Variants in PDE3A observed in about 807,000 individuals in gnomAD.
The protein encoded by PDE3A is phosphodiesterase 3A.
PDE3A carries 43 observed loss-of-function variants against 98.3 expected under a neutral mutation model. That is an observed-to-expected ratio of 0.44 (90% CI 0.34 to 0.56). The LOEUF (loss-of-function observed/expected upper bound fraction) is 0.56. Ranked by LOEUF, PDE3A falls within the 20% of genes least tolerant of loss-of-function variation. The pLI is 0.01. For synonymous variants in PDE3A, 663 were observed against 567.9 expected (o/e 1.17, Z -2.38); for missense variants, 1,427 against 1,440.7 (o/e 0.99, Z 0.15).
At position 20,660,918 on chromosome 12, in the gene PDE3A, A is replaced by G. The variant is rs555126701; in HGVS notation, c.3184+6713A>G. On this transcript the variant is annotated intron_variant, in intron 15 of 15. Transcript: ENST00000359062. Reference sequence around the variant, plus strand: ...TGAAAAGACAACCAAGAATGTGGAAACGACTTTGGAACTGGGTAACAGGAA... The same window carrying G: ...TGAAAAGACAACCAAGAATGTGGAAGCGACTTTGGAACTGGGTAACAGGAA... Among the ~76,000 whole-genome samples the G allele has an allele frequency of 5.8e-4, 88 of 151,960 alleles. 1 individual carries two copies. Among genetic ancestry groups the G allele is most frequent in the South Asian group, 2.5e-3 (12 of 4,816 alleles).
Position 20,384,008 on chromosome 12 carries a change from G to A in PDE3A, c.960+13764G>A, listed in dbSNP as rs1943704100. Among the ~76,000 whole-genome samples the A allele has an allele frequency of 3.3e-5, 5 of 152,000 alleles. 1 individual carries two copies. In the South Asian group the frequency reaches 1.0e-3, roughly 32 times the overall value. The stretch of plus-strand genomic sequence containing the variant: ...AGTTGGACCAAAATGATAATGTCAG[G>A]GGCAGATTTTAAATATATATTGAAA... On this transcript the variant is annotated intron_variant, in intron 1 of 15. Coordinates refer to ENST00000359062, the MANE Select transcript of PDE3A (RefSeq NM_000921.5).
chr12:20,658,527 T>C (rs376597895), intron 15 of PDE3A, among the ~76,000 whole-genome samples: 5 of 152,312 alleles, frequency 3.3e-5, no homozygotes, highest in South Asian at 2.1e-4. Flanking sequence ...GGGAGACAGA[T>C]TGAACTCTGT....
At chr12:20,536,052 T>C (rs1941740126) in intron 1 of PDE3A, among the ~76,000 whole-genome samples, 1 of 152,178 alleles carries the variant, frequency 6.6e-6, no homozygotes, top group Non-Finnish European at 1.5e-5. Context: ...AATCTCCATT[T>C]GGTTCAGACT....
intron 1 of PDE3A, among the ~76,000 whole-genome samples, chr12:20,423,289 C>A (rs1944549879): frequency 6.6e-6 from 1 of 152,064 alleles, no homozygotes; most frequent in Non-Finnish European, 1.5e-5. Context: ...GTCAGAAAAT[C>A]AATTTTTCTC....
chr12:20,515,943 G>A (rs1164518239), intron 1 of PDE3A, among the ~76,000 whole-genome samples: 2 of 150,116 alleles, frequency 1.3e-5, no homozygotes, highest in Non-Finnish European at 3.0e-5. Flanking sequence ...CGTTTTAGCC[G>A]GGATGGTCTC....
At position 20,685,039 on chromosome 12, in the gene PDE3A, G is replaced by A. The variant is rs940354999; in HGVS notation, c.*4768G>A. On this transcript the variant is annotated 3_prime_UTR_variant, in exon 16 of 16. Coordinates refer to ENST00000359062, the MANE Select transcript of PDE3A (RefSeq NM_000921.5). ...TGTTGCTTTGACCTTACCTAATGGT[G>A]CTTTTACCTAACTTGAAGTGCTTTT... is the stretch of plus-strand genomic sequence containing the variant. Among the ~76,000 whole-genome samples, 1 of 152,172 alleles carries A rather than the reference G, an allele frequency of 6.6e-6. No homozygotes were observed. Among genetic ancestry groups the A allele is most frequent in the Non-Finnish European group, 1.5e-5 (1 of 68,034 alleles).
chr12:20,445,702 C>T (rs1277461926), intron 1 of PDE3A, among the ~76,000 whole-genome samples: 6 of 152,080 alleles, frequency 3.9e-5, no homozygotes, highest in African/African-American at 4.8e-5. Context: ...ACATAAATGC[C>T]GCCCTCACTG....
chr12:20,649,920 CTG>C (rs1944875344), intron 13 of PDE3A, among the ~76,000 whole-genome samples: 1 of 150,016 alleles, frequency 6.7e-6, no homozygotes. Flanking sequence ...GGGCAAGACT[CTG>C]TCTCAAAAAA....
chr12:20,599,219 C>T (rs1156352454), intron 2 of PDE3A, among the ~76,000 whole-genome samples: 1 of 152,064 alleles, frequency 6.6e-6, no homozygotes, highest in African/African-American at 2.4e-5. Context: ...TCTGCTCTGC[C>T]CCCCACTTAC....
At chr12:20,410,449 A>T (rs760535607) in intron 1 of PDE3A, among the ~76,000 whole-genome samples, 3 of 152,152 alleles carry the variant, frequency 2.0e-5, no homozygotes, top group Non-Finnish European at 4.4e-5. Flanking sequence ...TGGGGAGAGG[A>T]AGAGGGATCT....
At chr12:20,435,398 A>G (rs1944763545) in intron 1 of PDE3A, among the ~76,000 whole-genome samples, 1 of 152,150 alleles carries the variant, frequency 6.6e-6, no homozygotes, top group African/African-American at 2.4e-5. Flanking sequence ...AAAATCATCT[A>G]AGGTGCAGTA....
intron 15 of PDE3A, among the ~76,000 whole-genome samples, chr12:20,663,000 A>G (rs1245848585): frequency 2.6e-5 from 4 of 152,184 alleles, no homozygotes; most frequent in Non-Finnish European, 5.9e-5. Flanking sequence ...TGCTGTGTGC[A>G]GCCTAGGGAC....
At chr12:20,605,587 C>T (rs986097184) in intron 2 of PDE3A, among the ~76,000 whole-genome samples, 3 of 152,034 alleles carry the variant, frequency 2.0e-5, no homozygotes, top group Admixed American at 6.6e-5. Context: ...CAAAAGATCC[C>T]GCCCAGTTCT....
Position 20,688,313 on chromosome 12 carries a change from G to A in PDE3A, c.*8042G>A, listed in dbSNP as rs976405526. 2.0e-5 allele frequency among the ~76,000 whole-genome samples: 3 copies of A among 151,672 alleles called. No individual in the cohort carries two copies. Among genetic ancestry groups the A allele is most frequent in the Admixed American group, 6.6e-5 (1 of 15,188 alleles). ...CATCCCATCACAAGTATTGTTAGGC[G>A]ACTTAGTGGCGGAGAAATGTTTGTA... is the stretch of plus-strand genomic sequence containing the variant. On this transcript the variant is annotated 3_prime_UTR_variant, in exon 16 of 16. Coordinates refer to ENST00000359062, the MANE Select transcript of PDE3A (RefSeq NM_000921.5).
chr12:20,534,972 T>TA (rs1168039172), intron 1 of PDE3A, among the ~76,000 whole-genome samples: 2 of 152,186 alleles, frequency 1.3e-5, no homozygotes, highest in Non-Finnish European at 2.9e-5. Flanking sequence ...TGAACTTTAA[T>TA]AAAAAATGGT....
At chr12:20,656,065 A>G (rs1482203155) in intron 15 of PDE3A, among the ~76,000 whole-genome samples, 1 of 152,206 alleles carries the variant, frequency 6.6e-6, no homozygotes, top group East Asian at 1.9e-4. Context: ...TAATAGCATA[A>G]TTAGTAAAAA....
chr12:20,647,039 AATAT>A (rs1944791364), intron 12 of PDE3A, 89 bp downstream of exon 12: 1 of 838,772 alleles, frequency 1.2e-6, no homozygotes, highest in African/African-American at 1.7e-5. Flanking sequence ...GCACCAAGTT[AATAT>A]AAGCCAAACT....
intron 1 of PDE3A, among the ~76,000 whole-genome samples, chr12:20,396,525 A>G (rs910502568): frequency 6.6e-6 from 1 of 152,162 alleles, no homozygotes; most frequent in Non-Finnish European, 1.5e-5. Flanking sequence ...TATAGAAAGC[A>G]TATTATTTAA....
intron 15 of PDE3A, among the ~76,000 whole-genome samples, chr12:20,670,390 T>C (rs533055969): frequency 6.6e-6 from 1 of 151,512 alleles, no homozygotes; most frequent in Admixed American, 6.6e-5. Context: ...ATCAATAGAA[T>C]ATACATTTTT....
Sources: gnomAD v4.1 joint callset for allele counts (sites outside exome capture counted in the v4.1 genomes callset) on GRCh38, gnomAD v4.1.1 for gene constraint, MANE v1.5 for transcripts, NCBI Gene and HGNC (gene_info 2026-07-23, HGNC 2026-07-21) for gene names.